HIVEP3: variants seen among roughly 807,000 people sequenced by gnomAD.
HIVEP3 encodes transcription factor HIVEP3.
A neutral mutation model predicts 152.8 loss-of-function variants in HIVEP3; 49 were observed. The observed-to-expected ratio is 0.32, with a 90% CI of 0.26 to 0.41. HIVEP3 has a LOEUF of 0.41. HIVEP3 is among the 10% of genes least tolerant of loss of function. The pLI is 1.00. For missense variants in HIVEP3, 2,790 were observed against 3,103.3 expected, an observed-to-expected ratio of 0.90 and a Z score of 2.40; for synonymous variants, 1,269 against 1,289.0, an observed-to-expected ratio of 0.98 and a Z score of 0.33.
chr1:41,785,909 T>C (rs1649320594), intron 1 of HIVEP3, among the ~76,000 whole-genome samples: 1 of 152,116 alleles, frequency 6.6e-6, no homozygotes. Context: ...GGAAGAAGAA[T>C]CGCTTCAACC....
At chr1:41,823,058 C>T (rs1042085766) in intron 1 of HIVEP3, among the ~76,000 whole-genome samples, 1 of 152,062 alleles carries the variant, frequency 6.6e-6, no homozygotes. Flanking sequence ...AGGGTGGGGC[C>T]CTAATCTGAA....
chr1:41,543,744 G>A (rs1643590281), intron 5 of HIVEP3: 1 of 152,438 alleles, frequency 6.6e-6, no homozygotes, highest in African/African-American at 2.4e-5. Context: ...GAGAAAGCAA[G>A]ATCAGAATAG....
intron 1 of HIVEP3, among the ~76,000 whole-genome samples, chr1:41,760,588 T>A (rs113153450): frequency 0.015 from 2,312 of 152,344 alleles, 28 homozygotes; most frequent in Middle Eastern, 0.027. Flanking sequence ...AGATACTCAA[T>A]AGATACTTGC....
At chr1:41,910,913 G>T (rs912250936) in intron 1 of HIVEP3, among the ~76,000 whole-genome samples, 1 of 152,000 alleles carries the variant, frequency 6.6e-6, no homozygotes, top group Non-Finnish European at 1.5e-5. Context: ...AACATGAAAG[G>T]CAAAGCTTAA....
intron 5 of HIVEP3, among the ~76,000 whole-genome samples, chr1:41,527,214 C>CCCTGCA: frequency 2.9e-5 from 3 of 104,314 alleles, no homozygotes; most frequent in Non-Finnish European, 4.5e-5. Context: ...ACATGCTCAC[C>CCCTGCA]CTCACACACT....
chr1:41,611,119 A>G (rs1006430335), intron 3 of HIVEP3, among the ~76,000 whole-genome samples: 2 of 152,208 alleles, frequency 1.3e-5, no homozygotes, highest in African/African-American at 2.4e-5. Flanking sequence ...AGTGTATGTT[A>G]CACTCCTGTT....
chr1:41,661,627 AG>A (rs753601512), intron 2 of HIVEP3, among the ~76,000 whole-genome samples: 3 of 152,194 alleles, frequency 2.0e-5, no homozygotes, highest in Non-Finnish European at 4.4e-5. Context: ...AGCCCCGAGG[AG>A]CCCCAGGCTG....
At chr1:41,592,833 T>C (rs1021675311) in intron 3 of HIVEP3, among the ~76,000 whole-genome samples, 14 of 152,164 alleles carry the variant, frequency 9.2e-5, no homozygotes, top group African/African-American at 3.1e-4. Context: ...AATCAGGGGG[T>C]TCTGTGCAGA....
intron 1 of HIVEP3, among the ~76,000 whole-genome samples, chr1:41,798,624 T>C (rs1243240045): frequency 2.0e-5 from 3 of 152,122 alleles, no homozygotes; most frequent in Admixed American, 2.0e-4. Context: ...TGCTGCCTTT[T>C]TTTTCTCCCC....
At chr1:41,659,792 C>T (rs1438711891) in intron 2 of HIVEP3, among the ~76,000 whole-genome samples, 10 of 152,170 alleles carry the variant, frequency 6.6e-5, no homozygotes, top group Non-Finnish European at 8.8e-5. Context: ...GGAAATGCGG[C>T]GTTGGGTTGG....
chr1:41,671,220 C>T (rs918360840), intron 2 of HIVEP3, among the ~76,000 whole-genome samples: 3 of 152,254 alleles, frequency 2.0e-5, no homozygotes, highest in African/African-American at 7.2e-5. Flanking sequence ...AGCTGGCTAT[C>T]ACCATCACTG....
At chr1:41,552,362 C>T (rs1245359772) in intron 5 of HIVEP3, among the ~76,000 whole-genome samples, 2 of 120,634 alleles carry the variant, frequency 1.7e-5, no homozygotes, top group Non-Finnish European at 3.4e-5. Flanking sequence ...TGCTATCCCT[C>T]CCCCCTCCCC....
At chr1:41,875,080 C>T (rs893766517) in intron 1 of HIVEP3, among the ~76,000 whole-genome samples, 11 of 152,228 alleles carry the variant, frequency 7.2e-5, no homozygotes, top group Non-Finnish European at 2.9e-5. Context: ...AGGCTTCTGC[C>T]CTGCAAGAGA....
chr1:41,643,462 C>G (rs182732155), intron 2 of HIVEP3, among the ~76,000 whole-genome samples: 7 of 152,346 alleles, frequency 4.6e-5, no homozygotes, highest in African/African-American at 1.7e-4. Context: ...GCTGAACAGA[C>G]GAGTGCATGA....
intron 1 of HIVEP3, among the ~76,000 whole-genome samples, chr1:41,714,967 C>T (rs1292471880): frequency 2.0e-5 from 3 of 152,148 alleles, no homozygotes; most frequent in Non-Finnish European, 4.4e-5. Flanking sequence ...GCCCCAGCGA[C>T]ATGTCCAAGG....
chr1:41,851,356 G>A lies in HIVEP3; in HGVS notation c.-801+67057C>T, dbSNP rs114233865. 1.2e-3 allele frequency among the ~76,000 whole-genome samples: 159 copies of A among 129,038 alleles called. 1 individual carries two copies. The highest frequency in any genetic ancestry group is 2.3e-3 in the Non-Finnish European group (149 of 64,818). The allele number at this position is 129,038 out of a possible 152,430, so 84.7% of individuals were successfully genotyped here. A position where few individuals can be genotyped will look rare whatever the true frequency, so the allele number is the denominator to read the frequency against. ...TCTTGCTCTGTTGCCAGGCTGGCGT[G>A]TAGTGGCATGATGTTGGCTCACTGC... On this transcript the variant is annotated intron_variant, in intron 1 of 8. Coordinates refer to ENST00000372583, the MANE Select transcript of HIVEP3 (RefSeq NM_024503.5).
At chr1:41,787,528 T>C (rs1649422629) in intron 1 of HIVEP3, among the ~76,000 whole-genome samples, 1 of 135,936 alleles carries the variant, frequency 7.4e-6, no homozygotes, top group Non-Finnish European at 1.5e-5. Context: ...TTTCCTTTTC[T>C]TTCTTTCTTT....
chr1:41,613,112 G>C (rs994719978), intron 3 of HIVEP3, among the ~76,000 whole-genome samples: 1 of 152,222 alleles, frequency 6.6e-6, no homozygotes, highest in African/African-American at 2.4e-5. Context: ...CAGCCGCTAG[G>C]GGCTCACTGC....
chr1:41,772,071 G>A (rs1423027665), intron 1 of HIVEP3, among the ~76,000 whole-genome samples: 3 of 152,144 alleles, frequency 2.0e-5, no homozygotes, highest in Non-Finnish European at 2.9e-5. Flanking sequence ...TGCCGCGAGT[G>A]ATGCCACCTC....
Sources: allele counts gnomAD v4.1 joint callset (sites outside exome capture counted in the v4.1 genomes callset), GRCh38; gene constraint gnomAD v4.1.1; transcripts MANE v1.5; gene names NCBI Gene and HGNC (gene_info 2026-07-23, HGNC 2026-07-21).